GLIS3: variants seen among roughly 807,000 people sequenced by gnomAD.
GLIS3 encodes GLIS family zinc finger 3.
Under a neutral mutation model 78.6 loss-of-function variants are expected in GLIS3, and 53 were observed. The ratio of observed to expected loss-of-function variants is 0.67; its 90% CI spans 0.54 to 0.85. GLIS3 has a LOEUF of 0.85. GLIS3 is among the 40% of genes least tolerant of loss of function. The pLI is 0.00. For missense variants in GLIS3, 1,703 were observed against 1,231.1 expected (o/e 1.38, Z -5.74); for synonymous variants, 684 against 509.9 (o/e 1.34, Z -4.60).
intron 4 of GLIS3, among the ~76,000 whole-genome samples, chr9:4,096,624 A>G (rs1279737566): frequency 6.6e-6 from 1 of 152,124 alleles, no homozygotes; most frequent in Non-Finnish European, 1.5e-5. Context: ...AGCTCAGGAG[A>G]ATTATCTGTG....
intron 4 of GLIS3, among the ~76,000 whole-genome samples, chr9:3,947,262 T>A (rs10974252): frequency 0.64 from 98,121 of 152,164 alleles, 32,997 homozygotes; most frequent in African/African-American, 0.85. Context: ...AAGAATTGGC[T>A]TGCTTGGTTT....
chr9:3,828,563 G>A (rs1252793959), intron 10 of GLIS3, among the ~76,000 whole-genome samples, 155 bp from the exon 11 acceptor site: 1 of 152,194 alleles, frequency 6.6e-6, no homozygotes, highest in Admixed American at 6.5e-5. Context: ...TGTTTCCAGC[G>A]ACCTTAGTGA....
At position 3,856,058 on chromosome 9, in the gene GLIS3, A is replaced by G; in HGVS notation, c.2424T>C (p.Tyr808=). The stretch of plus-strand genomic sequence containing the variant: ...GAAAAGAAGAGTTTGTTTCTGGCTG[A>G]TAGGACTTCAGGTGTGAACCTGATG... ...QQPSGSHLKS[Y]QPETNSSFQP... Residue 808 remains tyrosine, a synonymous_variant, in exon 9 of 11, where the codon TAT becomes TAC. Transcript: ENST00000381971. 3 of 1,614,218 alleles carry G rather than the reference A, an allele frequency of 1.9e-6. No homozygotes were observed. The highest frequency in any genetic ancestry group is 8.5e-7 in the Non-Finnish European group (1 of 1,180,014).
chr9:4,479,976 A>C, the GLIS3 span, among the ~76,000 whole-genome samples: 58 of 132,166 alleles, frequency 4.4e-4, no homozygotes, highest in Non-Finnish European at 2.1e-4. Context: ...GCTGGTCTTG[A>C]ACTCCCGACC....
chr9:4,101,159 C>T (rs1489170424), intron 4 of GLIS3, among the ~76,000 whole-genome samples: 1 of 152,196 alleles, frequency 6.6e-6, no homozygotes, highest in East Asian at 1.9e-4. Context: ...TACATAAAAT[C>T]ACTTGAGCTG....
upstream of GLIS3, among the ~76,000 whole-genome samples, chr9:4,302,231 G>A (rs1237603047): frequency 2.0e-5 from 3 of 152,094 alleles, no homozygotes; most frequent in South Asian, 2.1e-4. Context: ...GCTCTCCATC[G>A]TGCTTAGGAA....
the GLIS3 span, among the ~76,000 whole-genome samples, chr9:4,476,756 GTTTTT>G: frequency 6.6e-6 from 1 of 151,840 alleles, no homozygotes. Context: ...TTGAATTAAT[GTTTTT>G]AAGAACCAAG....
At chr9:4,082,999 A>G (rs1828690502) in intron 4 of GLIS3, among the ~76,000 whole-genome samples, 1 of 152,140 alleles carries the variant, frequency 6.6e-6, no homozygotes, top group Non-Finnish European at 1.5e-5. Context: ...GCAAGTGCCA[A>G]AGTTTTTAGA....
chr9:4,156,237 T>C (rs1835033082), intron 2 of GLIS3, among the ~76,000 whole-genome samples: 1 of 152,152 alleles, frequency 6.6e-6, no homozygotes, highest in Non-Finnish European at 1.5e-5. Flanking sequence ...AGAAATAAGG[T>C]TATTCCCTCC....
chr9:4,269,936 G>A (rs533235780), intron 2 of GLIS3, among the ~76,000 whole-genome samples: 1 of 152,180 alleles, frequency 6.6e-6, no homozygotes, highest in Non-Finnish European at 1.5e-5. Flanking sequence ...AAGATCAACT[G>A]TCTTTGTTTA....
chr9:4,372,418 T>C, the GLIS3 span, among the ~76,000 whole-genome samples: 492 of 152,150 alleles, frequency 3.2e-3, 3 homozygotes, highest in African/African-American at 0.011. Flanking sequence ...TTCCTAGAGA[T>C]AGCAAACATC....
At chr9:4,409,739 C>T in the GLIS3 span, among the ~76,000 whole-genome samples, 2 of 151,926 alleles carry the variant, frequency 1.3e-5, no homozygotes, top group Non-Finnish European at 2.9e-5. Flanking sequence ...AAATCACAAA[C>T]TATCAAAGTG....
chr9:4,180,780 A>G (rs1333508212), intron 2 of GLIS3, among the ~76,000 whole-genome samples: 1 of 152,200 alleles, frequency 6.6e-6, no homozygotes, highest in Non-Finnish European at 1.5e-5. Context: ...GTCCACCACC[A>G]TCCCAAACTG....
chr9:3,999,194 T>A (rs147855777), intron 4 of GLIS3, among the ~76,000 whole-genome samples: 1 of 152,166 alleles, frequency 6.6e-6, no homozygotes, highest in African/African-American at 2.4e-5. Flanking sequence ...AGTCGCAGAT[T>A]TGAGTTTTCA....
intron 7 of GLIS3, among the ~76,000 whole-genome samples, chr9:3,894,541 G>A (rs192975573): frequency 6.6e-6 from 1 of 152,208 alleles, no homozygotes; most frequent in African/African-American, 2.4e-5. Context: ...GTTAAATCCT[G>A]TATAGATTTT....
chr9:4,284,294 G>A (rs926489237), intron 2 of GLIS3, among the ~76,000 whole-genome samples: 26 of 152,112 alleles, frequency 1.7e-4, no homozygotes, highest in African/African-American at 6.0e-4. Context: ...TACAATAAAG[G>A]CAAGTTATTA....
intron 1 of GLIS3, among the ~76,000 whole-genome samples, chr9:4,297,458 G>A (rs1816641772): frequency 6.6e-6 from 1 of 152,162 alleles, no homozygotes; most frequent in Non-Finnish European, 1.5e-5. Context: ...CATACTAAAG[G>A]GACCTGGTCC....
chr9:4,352,894 TG>T (rs1817992879), upstream of GLIS3, among the ~76,000 whole-genome samples: 1 of 152,242 alleles, frequency 6.6e-6, no homozygotes, highest in African/African-American at 2.4e-5. Context: ...CTGTGGTGCA[TG>T]GAAAAAATCC....
chr9:4,122,842 G>A (rs111647105), intron 3 of GLIS3, among the ~76,000 whole-genome samples: 2 of 152,138 alleles, frequency 1.3e-5, no homozygotes, highest in Non-Finnish European at 2.9e-5. Context: ...GTCATTTTAG[G>A]GGAAATATAT....
Sources: allele counts gnomAD v4.1 joint callset (sites outside exome capture counted in the v4.1 genomes callset), GRCh38; gene constraint gnomAD v4.1.1; transcripts MANE v1.5; gene names NCBI Gene and HGNC (gene_info 2026-07-23, HGNC 2026-07-21).